The following APBB3 variants were observed in gnomAD, a reference collection of about 807,000 sequenced individuals.
APBB3 encodes the protein amyloid beta precursor protein binding family B member 3, also known as amyloid-beta A4 precursor protein-binding family B member 3.
Under a neutral mutation model 61.5 loss-of-function variants are expected in APBB3, and 50 were observed. The observed-to-expected ratio is 0.81, with a 90% CI of 0.65 to 1.03. The LOEUF (loss-of-function observed/expected upper bound fraction) is 1.03. APBB3 is among the 50% of genes least tolerant of loss of function. APBB3 has a pLI of 0.00. For synonymous variants in APBB3, 235 were observed against 233.0 expected (o/e 1.01, Z -0.08); for missense variants, 550 against 637.4 (o/e 0.86, Z 1.48).
rs765898728 is a variant in APBB3, at chr5:140,560,377, C to T, written c.1160G>A (p.Cys387Tyr). 6.2e-7 allele frequency: 1 copy of T among 1,614,252 alleles called. No homozygotes were observed. The highest frequency in any genetic ancestry group is 1.7e-5 in the Admixed American group (1 of 60,032). Residue 387 changes from cysteine to tyrosine, a missense_variant, in exon 12 of 13, where the codon TGC becomes TAC. This residue lies in a region of APBB3 where 138 missense variants were observed against 132.6 expected (regional missense o/e 1.04). Coordinates refer to ENST00000357560, the MANE Select transcript of APBB3 (RefSeq NM_133173.3). The surrounding 1 kb of genome is among the most constrained non-coding windows in gnomAD (Gnocchi z 5.1). ...IADLGRQSFQ[C>Y]AAFWCQPHAG... ...ATGGGGCTGGCACCAGAAGGCTGCG[C>T]ACTGGAAGCTCTGACGGCCCAGGTC...
rs1561876304 is a variant in APBB3, at chr5:140,564,242, G to C, written c.4C>G (p.Leu2Val). M[L>V]GKDYMLAIIL... ...ATGGCCAGCATGTAATCCTTGCCCA[G>C]CATAACCCCGGCTGCTCCCCGCCAG... Residue 2 changes from leucine (L) to valine (V), a missense_variant, in exon 1 of 13, where the codon CTG (leucine) becomes GTG (valine). Leu to Val is a conservative substitution (Grantham distance 32). Coordinates refer to ENST00000357560, the MANE Select transcript of APBB3 (RefSeq NM_133173.3). The surrounding 1 kb of genome is among the most constrained non-coding windows in gnomAD (Gnocchi z 5.0). 1 of 1,611,276 alleles carries C rather than the reference G, an allele frequency of 6.2e-7. No individual in the cohort carries two copies. Among genetic ancestry groups the C allele is most frequent in the Non-Finnish European group, 8.5e-7 (1 of 1,179,994 alleles).
In APBB3 at chr5:140,560,965, C is replaced by T; in HGVS notation, c.916+53G>A. On this transcript the variant is annotated intron_variant, in intron 10 of 12. Coordinates refer to ENST00000357560, the MANE Select transcript of APBB3 (RefSeq NM_133173.3). This position sits in a 1 kb window ranked among gnomAD's most constrained non-coding sequence, Gnocchi z 5.1. Reference sequence around the variant, plus strand: ...AAATGATAACAGGCCTCACCTCACTCACCTTCCCCTTGCCTCACACAGCCC... The same window carrying T: ...AAATGATAACAGGCCTCACCTCACTTACCTTCCCCTTGCCTCACACAGCCC... 1.3e-6 allele frequency: 2 copies of T among 1,586,310 alleles called. No individual in the cohort carries two copies. Among genetic ancestry groups the T allele is most frequent in the Non-Finnish European group, 1.7e-6 (2 of 1,163,594 alleles).
At position 140,561,568 on chromosome 5, in the gene APBB3, C is replaced by A; in HGVS notation, c.747+19G>T. 6.2e-7 allele frequency: 1 copy of A among 1,613,976 alleles called. No homozygotes were observed. Among genetic ancestry groups the A allele is most frequent in the East Asian group, 2.2e-5 (1 of 44,884 alleles). On this transcript the variant is annotated intron_variant, in intron 8 of 12. Coordinates refer to ENST00000357560, the MANE Select transcript of APBB3 (RefSeq NM_133173.3). ...CCCAACCCCTTACCCACATTCCCTG[C>A]CCCACCCCTGACACTTACCTGGGCA...
Position 140,562,084 on chromosome 5 carries a change from A to G in APBB3, c.626+16T>C. 6.2e-7 allele frequency: 1 copy of G among 1,613,366 alleles called. No homozygotes were observed. The highest frequency in any genetic ancestry group is 8.5e-7 in the Non-Finnish European group (1 of 1,179,654). On this transcript the variant is annotated intron_variant, in intron 6 of 12. Transcript: ENST00000357560. Reference sequence around the variant, plus strand: ...GGGAGAAGTAGCTCTTGCTTGGGGGATGTAGGCATCCTCACCGGCCCTTGG... The same window carrying G: ...GGGAGAAGTAGCTCTTGCTTGGGGGGTGTAGGCATCCTCACCGGCCCTTGG...
In APBB3 at chr5:140,564,504, G is replaced by T; in HGVS notation, c.-259C>A. The T allele has an allele frequency of 1.8e-6, 1 of 569,192 alleles. No homozygotes were observed. The highest frequency in any genetic ancestry group is 3.1e-6 in the Non-Finnish European group (1 of 322,178). The allele number at this position is 569,192 out of a possible 1,614,324, so 35.3% of individuals were successfully genotyped here. ...AATGGTTGCGTGTTTCCGTGTGTGG[G>T]TCCGGGGGAGGCCCACGAACGCCAG... On this transcript the variant is annotated 5_prime_UTR_variant, in exon 1 of 13. Transcript: ENST00000357560. The surrounding 1 kb of genome is among the most constrained non-coding windows in gnomAD (Gnocchi z 5.0).
At chr5:140,562,542 T>C (rs1466015641) in intron 4 of APBB3, 43 bp from the exon 5 acceptor site, 1 of 1,611,838 alleles carries the variant, frequency 6.2e-7, no homozygotes, top group Admixed American at 1.7e-5. Flanking sequence ...AAGGATGGAG[T>C]AGGGTGGCAG....
Position 140,562,410 on chromosome 5 carries a change from G to T in APBB3, c.441C>A (p.Ile147=). The T allele has an allele frequency of 6.2e-7, 1 of 1,614,220 alleles. No individual in the cohort carries two copies. The highest frequency in any genetic ancestry group is 1.7e-5 in the Admixed American group (1 of 60,030). ...GKSSIAVNNC[I]QQLAQTRSRS... ...GGCTGCGGGTCTGGGCCAGCTGCTG[G>T]ATACAGTTATTGACTGCAATACTGC... is the stretch of plus-strand genomic sequence containing the variant. The change falls in exon 5 of 13, where the codon ATC becomes ATA. Residue 147 remains isoleucine (I), a synonymous_variant. Transcript: ENST00000357560.
In APBB3 at chr5:140,564,307, G is replaced by C. The variant is rs912277990; in HGVS notation, c.-62C>G. 3 of 1,586,964 alleles carry C rather than the reference G, an allele frequency of 1.9e-6. No homozygotes were observed. Among genetic ancestry groups the C allele is most frequent in the Non-Finnish European group, 1.7e-6 (2 of 1,169,966 alleles). Reference sequence around the variant, plus strand: ...CACTCTCAGCCCAGCGCGACCTCTGGAGCTACTGCGCCTGCAAGCCCAGCC... The same window carrying C: ...CACTCTCAGCCCAGCGCGACCTCTGCAGCTACTGCGCCTGCAAGCCCAGCC... On this transcript the variant is annotated 5_prime_UTR_variant, in exon 1 of 13. Transcript: ENST00000357560. This position sits in a 1 kb window ranked among gnomAD's most constrained non-coding sequence, Gnocchi z 5.0.
chr5:140,561,157 C>T, intron 9 of APBB3, 56 bp from the exon 10 acceptor site: 1 of 1,599,420 alleles, frequency 6.3e-7, no homozygotes. Flanking sequence ...CTTTTCCCCA[C>T]CCTTCTCAAT....
intron 3 of APBB3, chr5:140,563,042 C>G: frequency 5.6e-6 from 2 of 354,342 alleles, no homozygotes; most frequent in Non-Finnish European, 1.0e-5. Context: ...GTCAGGATAT[C>G]GAGACCATCC....
At chr5:140,561,500 G>A in intron 8 of APBB3, 51 bp from the exon 9 acceptor site, 2 of 1,613,740 alleles carry the variant, frequency 1.2e-6, no homozygotes, top group Non-Finnish European at 1.7e-6. Flanking sequence ...GGGAATTAGG[G>A]TAAAAGGGCC....
chr5:140,560,166 TA>T lies in APBB3; in HGVS notation c.1224+146del. On this transcript the variant is annotated intron_variant, in intron 12 of 12. Transcript: ENST00000357560. The surrounding 1 kb of genome is among the most constrained non-coding windows in gnomAD (Gnocchi z 5.1). ...ATATTGGCAACTAATTAAAACTTAC[TA>T]AAAACAACATGAGGGCCAAAACATT... 2.3e-6 allele frequency: 2 copies of T among 858,600 alleles called. No individual in the cohort carries two copies. Among genetic ancestry groups the T allele is most frequent in the Non-Finnish European group, 3.5e-6 (2 of 567,164 alleles). The allele number at this position is 858,600 out of a possible 1,614,324, so 53.2% of individuals were successfully genotyped here.
intron 3 of APBB3, 57 bp from the exon 4 acceptor site, chr5:140,562,780 G>T (rs1425507577): frequency 1.9e-6 from 3 of 1,570,278 alleles, no homozygotes; most frequent in South Asian, 1.1e-5. Flanking sequence ...GGACACTGGT[G>T]AGGCCTAGAC....
Position 140,561,086 on chromosome 5 carries a change from G to A in APBB3, c.848C>T (p.Ala283Val), listed in dbSNP as rs141902691. The change falls in exon 10 of 13, where the codon GCG (alanine) becomes GTG (valine). Residue 283 changes from alanine (A) to valine (V), a missense_variant. This residue lies in a region of APBB3 where 405 missense variants were observed against 483.4 expected (regional missense o/e 0.84). Coordinates refer to ENST00000357560, the MANE Select transcript of APBB3 (RefSeq NM_133173.3). ...GTACTTCTGAGCAGCTTGGCTTACC[G>A]CATCCAGCAGCTCCACTGAAATATA... The part of the protein sequence containing the change: ...DLPRQVELLD[A>V]VSQAAQKYEA... The A allele has an allele frequency of 2.1e-5, 34 of 1,613,862 alleles. No individual in the cohort carries two copies. Among genetic ancestry groups the A allele is most frequent in the African/African-American group, 1.1e-4 (8 of 74,884 alleles).
rs1754788859 is a variant in APBB3, at chr5:140,558,395, A to G, written c.*190T>C. 1.4e-6 allele frequency: 1 copy of G among 712,634 alleles called. No homozygotes were observed. Among genetic ancestry groups the G allele is most frequent in the Non-Finnish European group, 2.5e-6 (1 of 401,984 alleles). The allele number at this position is 712,634 out of a possible 1,614,324, so 44.1% of individuals were successfully genotyped here. On this transcript the variant is annotated 3_prime_UTR_variant, in exon 13 of 13. Coordinates refer to ENST00000357560, the MANE Select transcript of APBB3 (RefSeq NM_133173.3). ...CCAAGGAAAGGGGAGCCAGGGTCCT[A>G]CGTTGTGGTGCAGTGCCTCCCAGTC... is the stretch of plus-strand genomic sequence containing the variant.
At chr5:140,561,901 A>G (rs1205740544) in intron 6 of APBB3, 52 bp from the exon 7 acceptor site, 7 of 1,612,748 alleles carry the variant, frequency 4.3e-6, no homozygotes, top group Non-Finnish European at 5.9e-6. Context: ...AGCCTCTCGG[A>G]CTCTCCCCAA....
chr5:140,564,039 C>T lies in APBB3; in HGVS notation c.50-124G>A. 1 of 1,467,842 alleles carries T rather than the reference C, an allele frequency of 6.8e-7. No homozygotes were observed. Among genetic ancestry groups the T allele is most frequent in the Non-Finnish European group, 9.2e-7 (1 of 1,084,038 alleles). 90.9% of individuals were successfully genotyped at this position (1,467,842 alleles called of 1,614,324 possible). Reference sequence around the variant, plus strand: ...TCTTAGGCTGAAGATCCAGGCTCCTCAATCTTGAAGACATCACATGTAAAG... The same window carrying T: ...TCTTAGGCTGAAGATCCAGGCTCCTTAATCTTGAAGACATCACATGTAAAG... On this transcript the variant is annotated intron_variant, in intron 1 of 12. Coordinates refer to ENST00000357560, the MANE Select transcript of APBB3 (RefSeq NM_133173.3). This position sits in a 1 kb window ranked among gnomAD's most constrained non-coding sequence, Gnocchi z 5.0.
At position 140,560,487 on chromosome 5, in the gene APBB3, C is replaced by T; in HGVS notation, c.1050G>A (p.Glu350=). ...CAGGGCACTGCCACAATGGCTCCTCCTCTGTACTGGCCTCTGCCTGCCCAC... is the reference window on the plus strand; with the variant it reads ...CAGGGCACTGCCACAATGGCTCCTCTTCTGTACTGGCCTCTGCCTGCCCAC... The part of the protein sequence containing the change: ...AHPIQAEAST[E]EEPLWQCPVR... The change falls in exon 12 of 13, where the codon GAG becomes GAA. Residue 350 remains glutamate (E), a synonymous_variant. Transcript: ENST00000357560. This position sits in a 1 kb window ranked among gnomAD's most constrained non-coding sequence, Gnocchi z 5.1. 1 of 1,613,848 alleles carries T rather than the reference C, an allele frequency of 6.2e-7. No homozygotes were observed.
intron 12 of APBB3, among the ~76,000 whole-genome samples, chr5:140,559,428 C>G (rs1010570138): frequency 6.6e-6 from 1 of 152,196 alleles, no homozygotes; most frequent in African/African-American, 2.4e-5. Context: ...AAGTGGTCAT[C>G]CTAATCCATA....
Sources: gnomAD v4.1 joint callset for allele counts (sites outside exome capture counted in the v4.1 genomes callset) on GRCh38, gnomAD v4.1.1 for gene constraint, gnomAD v4.1.1 regional missense constraint, Gnocchi (gnomAD v3.1) non-coding constraint, MANE v1.5 for transcripts, NCBI Gene and HGNC (gene_info 2026-07-23, HGNC 2026-07-21) for gene names.